The following ANKS1B variants were observed in gnomAD, a reference collection of about 807,000 sequenced individuals.
ANKS1B encodes the protein ankyrin repeat and sterile alpha motif domain-containing protein 1B.
In ANKS1B, 36 loss-of-function variants were observed where a neutral mutation model predicts 148.3. That is an observed-to-expected ratio of 0.24 (90% CI 0.19 to 0.32). ANKS1B has a LOEUF of 0.32. Ranked by LOEUF, ANKS1B falls within the 10% of genes least tolerant of loss-of-function variation. The pLI, the probability that ANKS1B is intolerant of heterozygous loss-of-function variation, is 1.00. For synonymous variants in ANKS1B, 542 were observed against 560.8 expected (o/e 0.97, Z 0.47); for missense variants, 1,157 against 1,542.6 (o/e 0.75, Z 4.19).
At chr12:99,849,783 A>G (rs1308626958) in intron 1 of ANKS1B, among the ~76,000 whole-genome samples, 2 of 152,146 alleles carry the variant, frequency 1.3e-5, no homozygotes, top group African/African-American at 2.4e-5. Context: ...AAGTTGAAAA[A>G]CGAAAACAGG....
intron 9 of ANKS1B, among the ~76,000 whole-genome samples, chr12:99,568,850 C>T (rs193157405): frequency 1.4e-4 from 21 of 152,258 alleles, no homozygotes; most frequent in African/African-American, 4.8e-4. Context: ...CTAGATCTCC[C>T]AGGGAGAAAT....
rs144772585 is a variant in ANKS1B, at chr12:99,805,900, T to C, written c.669+504A>G. On this transcript the variant is annotated intron_variant, in intron 4 of 26. Transcript: ENST00000683438. The stretch of plus-strand genomic sequence containing the variant: ...AAATTCACATCCCGGTTTTATCAAC[T>C]ATGTGTCCTTAGACAAATTTCTTAA... Among the ~76,000 whole-genome samples, 94 of 152,316 alleles carry C rather than the reference T, an allele frequency of 6.2e-4. No homozygotes were observed. The East Asian group carries it at 0.01, about 17-fold the overall frequency.
At chr12:98,872,573 TG>T (rs2099674316) in intron 17 of ANKS1B, among the ~76,000 whole-genome samples, 2 of 152,052 alleles carry the variant, frequency 1.3e-5, no homozygotes, top group Non-Finnish European at 2.9e-5. Context: ...TAAGTTAACA[TG>T]GGGGCATTAG....
chr12:99,846,103 T>A (rs1282472505), intron 1 of ANKS1B, among the ~76,000 whole-genome samples: 1 of 152,132 alleles, frequency 6.6e-6, no homozygotes, highest in Non-Finnish European at 1.5e-5. Flanking sequence ...TTTATTTTCC[T>A]TCTATTTCTG....
At chr12:99,005,644 TGTGGTAA>T (rs1246326280) in intron 17 of ANKS1B, among the ~76,000 whole-genome samples, 1 of 152,186 alleles carries the variant, frequency 6.6e-6, no homozygotes, top group Non-Finnish European at 1.5e-5. Flanking sequence ...CGCTTTCAAA[TGTGGTAA>T]GCAAATAGAA....
In ANKS1B at chr12:99,984,375, C is replaced by T; in HGVS notation, c.-138G>A. On this transcript the variant is annotated 5_prime_UTR_variant, in exon 1 of 27. Coordinates refer to ENST00000683438, the MANE Select transcript of ANKS1B (RefSeq NM_001352186.2). Reference sequence around the variant, plus strand: ...GAGCTTCAGCACGGAGAGCTCCCTGCAGCCCCAGGCAGGGAGCACGACTCT... The same window carrying T: ...GAGCTTCAGCACGGAGAGCTCCCTGTAGCCCCAGGCAGGGAGCACGACTCT... 9.7e-6 allele frequency: 6 copies of T among 620,718 alleles called. No homozygotes were observed. Among genetic ancestry groups the T allele is most frequent in the Non-Finnish European group, 1.3e-5 (5 of 376,766 alleles). The allele number at this position is 620,718 out of a possible 1,614,324, so 38.5% of individuals were successfully genotyped here. A position where few individuals can be genotyped will look rare whatever the true frequency, so the allele number is the denominator to read the frequency against.
intron 24 of ANKS1B, among the ~76,000 whole-genome samples, chr12:98,778,907 G>C (rs2098707009): frequency 6.6e-6 from 1 of 152,134 alleles, no homozygotes. Flanking sequence ...GTCATACTGG[G>C]GGAGATCAGC....
intron 9 of ANKS1B, among the ~76,000 whole-genome samples, chr12:99,639,025 A>G (rs2098273299): frequency 6.6e-6 from 1 of 152,228 alleles, no homozygotes; most frequent in Non-Finnish European, 1.5e-5. Context: ...CAGAGGATGC[A>G]TGGAAATGCC....
chr12:99,169,119 C>T (rs755042157), intron 14 of ANKS1B, among the ~76,000 whole-genome samples: 13 of 152,016 alleles, frequency 8.6e-5, no homozygotes, highest in African/African-American at 2.4e-4. Flanking sequence ...TTTTGCCAGG[C>T]GGTGGGGAGA....
At chr12:98,890,595 G>A (rs2099750519) in intron 17 of ANKS1B, among the ~76,000 whole-genome samples, 1 of 152,090 alleles carries the variant, frequency 6.6e-6, no homozygotes, top group South Asian at 2.1e-4. Flanking sequence ...TTTTATGAAC[G>A]TTACACAACA....
intron 11 of ANKS1B, among the ~76,000 whole-genome samples, chr12:99,432,124 C>T (rs1470159382): frequency 6.6e-6 from 1 of 152,160 alleles, no homozygotes; most frequent in African/African-American, 2.4e-5. Flanking sequence ...TGTGATGTAT[C>T]ACCAGCAGCT....
chr12:99,776,424 T>C (rs2063654487), intron 6 of ANKS1B, among the ~76,000 whole-genome samples: 1 of 152,224 alleles, frequency 6.6e-6, no homozygotes, highest in South Asian at 2.1e-4. Flanking sequence ...ATTATTAACT[T>C]GTCCATGTTC....
Position 99,229,009 on chromosome 12 carries a change from C to A in ANKS1B, c.2419+15333G>T, listed in dbSNP as rs117067489. Among the ~76,000 whole-genome samples the A allele has an allele frequency of 4.1e-3, 622 of 151,642 alleles. 23 individuals carry two copies. The East Asian group carries it at 0.079, about 19-fold the overall frequency. Reference sequence around the variant, plus strand: ...ATACTTCTTTATTAAATAATTTAGACAATGAAAATAAAATTAATGTATACT... The same window carrying A: ...ATACTTCTTTATTAAATAATTTAGAAAATGAAAATAAAATTAATGTATACT... On this transcript the variant is annotated intron_variant, in intron 14 of 26. Coordinates refer to ENST00000683438, the MANE Select transcript of ANKS1B (RefSeq NM_001352186.2).
intron 25 of ANKS1B, among the ~76,000 whole-genome samples, chr12:98,756,133 G>T (rs2098235669): frequency 6.6e-6 from 1 of 152,076 alleles, no homozygotes; most frequent in Admixed American, 6.5e-5. Flanking sequence ...GTTTAGCTGT[G>T]TCCCCACCCA....
At chr12:99,768,217 C>T (rs1308305556) in intron 8 of ANKS1B, among the ~76,000 whole-genome samples, 1 of 152,056 alleles carries the variant, frequency 6.6e-6, no homozygotes, top group East Asian at 1.9e-4. Context: ...TGTTTCATAT[C>T]CTATGAAATT....
chr12:99,069,609 T>G (rs1400440128), intron 16 of ANKS1B, among the ~76,000 whole-genome samples: 1 of 152,238 alleles, frequency 6.6e-6, no homozygotes, highest in Non-Finnish European at 1.5e-5. Context: ...CATTTAGCAC[T>G]TATACCTTCA....
At chr12:98,852,750 C>T (rs552596594) in intron 17 of ANKS1B, among the ~76,000 whole-genome samples, 171 of 152,116 alleles carry the variant, frequency 1.1e-3, no homozygotes, top group African/African-American at 3.8e-3. Context: ...TGAGCTTTTT[C>T]CCCCCCTCCA....
intron 17 of ANKS1B, among the ~76,000 whole-genome samples, chr12:98,948,004 T>C (rs1417830140): frequency 6.6e-6 from 1 of 152,122 alleles, no homozygotes; most frequent in Non-Finnish European, 1.5e-5. Flanking sequence ...TTAGAAATGA[T>C]ATATGCTGAG....
rs899351180 is a variant in ANKS1B at position 98,801,685 on chromosome 12, G to A, written c.3142-560C>T. Among the ~76,000 whole-genome samples, 1 of 152,180 alleles carries A rather than the reference G, an allele frequency of 6.6e-6. No homozygotes were observed. The highest frequency in any genetic ancestry group is 1.5e-5 in the Non-Finnish European group (1 of 68,030). On this transcript the variant is annotated intron_variant, in intron 20 of 26. Transcript: ENST00000683438. The surrounding 1 kb of genome is among the most constrained non-coding windows in gnomAD (Gnocchi z 5.2). ...TCTCTCATCTGAATTCAATTGCACT[G>A]ATTTAATGATGCTGTCTCAGATGGA...
Sources: allele counts gnomAD v4.1 joint callset (sites outside exome capture counted in the v4.1 genomes callset), GRCh38; gene constraint gnomAD v4.1.1; non-coding constraint Gnocchi (gnomAD v3.1); transcripts MANE v1.5; gene names NCBI Gene and HGNC (gene_info 2026-07-23, HGNC 2026-07-21).